The following RNF115 variants were observed in gnomAD, a reference collection of about 807,000 sequenced individuals.
RNF115 encodes the protein E3 ubiquitin-protein ligase RNF115.
In RNF115, 31 loss-of-function variants were observed where a neutral mutation model predicts 39.2. The observed-to-expected ratio is 0.79, with a 90% CI of 0.59 to 1.07. The LOEUF (loss-of-function observed/expected upper bound fraction) is 1.07, where lower values mean the gene tolerates loss of function less well. RNF115 is among the 50% of genes least tolerant of loss of function. The pLI is 0.00. For synonymous variants in RNF115, 124 were observed against 131.0 expected (o/e 0.95, Z 0.37); for missense variants, 384 against 381.7 (o/e 1.01, Z -0.05).
intron 4 of RNF115, among the ~76,000 whole-genome samples, chr1:145,765,867 C>G (rs782714728): frequency 9.2e-5 from 14 of 152,018 alleles, no homozygotes; most frequent in Non-Finnish European, 1.8e-4. Context: ...TTACTCATGC[C>G]AATGAAAAAG....
intron 1 of RNF115, among the ~76,000 whole-genome samples, chr1:145,791,477 A>G (rs1648663726): frequency 6.6e-6 from 1 of 151,068 alleles, no homozygotes; most frequent in Non-Finnish European, 1.5e-5. Flanking sequence ...ACGCCATTGC[A>G]CTCCAGCCTG....
intron 1 of RNF115, among the ~76,000 whole-genome samples, chr1:145,796,241 C>T (rs1553720000): frequency 6.6e-6 from 1 of 152,194 alleles, no homozygotes; most frequent in African/African-American, 2.4e-5. Flanking sequence ...CACCCCTTCA[C>T]TCTAAGAGCT....
In RNF115 at chr1:145,772,028, T is replaced by A. The variant is rs1647667801; in HGVS notation, c.220-109A>T. 3 of 859,778 alleles carry A rather than the reference T, an allele frequency of 3.5e-6. No homozygotes were observed. The East Asian group carries it at 7.6e-5, about 22-fold the overall frequency. 53.3% of individuals were successfully genotyped at this position (859,778 alleles called of 1,614,324 possible). Reference sequence around the variant, plus strand: ...TGGCCACTGTGAATATTACTGTATGTCTTCTTCTGCAGAGGTACCAGAGTT... The same window carrying A: ...TGGCCACTGTGAATATTACTGTATGACTTCTTCTGCAGAGGTACCAGAGTT... On this transcript the variant is annotated intron_variant, in intron 3 of 8. Transcript: ENST00000582693.
chr1:145,793,517 A>C (rs1215337827), intron 1 of RNF115, among the ~76,000 whole-genome samples: 1 of 151,848 alleles, frequency 6.6e-6, no homozygotes, highest in Admixed American at 6.6e-5. Context: ...TATTGCTTTA[A>C]ATCTCTCTAC....
At chr1:145,812,446 G>C (rs1365277745) in intron 1 of RNF115, among the ~76,000 whole-genome samples, 5 of 151,078 alleles carry the variant, frequency 3.3e-5, no homozygotes, top group Non-Finnish European at 7.4e-5. Flanking sequence ...TCACTTGCAA[G>C]GTCAGGAGTT....
chr1:145,750,347 G>A, intron 7 of RNF115, 60 bp downstream of exon 7: 1 of 1,328,666 alleles, frequency 7.5e-7, no homozygotes, highest in Non-Finnish European at 1.1e-6. Flanking sequence ...CCTGTCAGAA[G>A]ATACCGGGAT....
At chr1:145,811,883 C>CAAAAAAAAAA (rs67086842) in intron 1 of RNF115, among the ~76,000 whole-genome samples, 107 of 35,848 alleles carry the variant, frequency 3.0e-3, no homozygotes, top group Non-Finnish European at 5.3e-3. Flanking sequence ...TTCTGTCTCA[C>CAAAAAAAAAA]AAAAAAAAAA....
intron 1 of RNF115, among the ~76,000 whole-genome samples, chr1:145,812,268 A>C (rs1649762208): frequency 6.6e-6 from 1 of 150,480 alleles, no homozygotes; most frequent in Non-Finnish European, 1.5e-5. Flanking sequence ...AAGGAGGTAA[A>C]CATTACCTTG....
chr1:145,769,145 C>G (rs906094187), intron 4 of RNF115, among the ~76,000 whole-genome samples: 24 of 152,086 alleles, frequency 1.6e-4, no homozygotes, highest in Non-Finnish European at 2.4e-4. Context: ...AGTTAAAAAT[C>G]TCACCAAATA....
chr1:145,776,308 G>A (rs891915230), intron 3 of RNF115, among the ~76,000 whole-genome samples: 1 of 151,408 alleles, frequency 6.6e-6, no homozygotes, highest in African/African-American at 2.4e-5. Flanking sequence ...GGGATTACAG[G>A]TGTCTGCCAC....
At chr1:145,808,825 G>C (rs1265427689) in intron 1 of RNF115, among the ~76,000 whole-genome samples, 2 of 152,064 alleles carry the variant, frequency 1.3e-5, no homozygotes, top group African/African-American at 4.8e-5. Flanking sequence ...CTAATAACTG[G>C]CACCATAAAT....
chr1:145,771,625 G>T, intron 4 of RNF115, 86 bp downstream of exon 4: 1 of 1,071,686 alleles, frequency 9.3e-7, no homozygotes, highest in South Asian at 1.5e-5. Flanking sequence ...AAGGTAATAA[G>T]TATGAGACCC....
chr1:145,754,850 T>G (rs77865880), intron 4 of RNF115, among the ~76,000 whole-genome samples: 1 of 152,160 alleles, frequency 6.6e-6, no homozygotes, highest in Non-Finnish European at 1.5e-5. Context: ...CCAAAAATTA[T>G]TTGATAATCT....
intron 1 of RNF115, among the ~76,000 whole-genome samples, chr1:145,814,965 ATCAT>A (rs1649917784): frequency 6.6e-6 from 1 of 152,248 alleles, no homozygotes; most frequent in African/African-American, 2.4e-5. Context: ...ACTCATATCA[ATCAT>A]TCAATTAAAA....
At chr1:145,755,790 AG>A (rs1658272094) in intron 4 of RNF115, among the ~76,000 whole-genome samples, 1 of 152,128 alleles carries the variant, frequency 6.6e-6, no homozygotes, top group Non-Finnish European at 1.5e-5. Context: ...GATTAAGAAA[AG>A]GCAGAAAAAA....
chr1:145,784,971 A>G (rs1355896977), intron 2 of RNF115, among the ~76,000 whole-genome samples: 2 of 152,208 alleles, frequency 1.3e-5, no homozygotes, highest in Admixed American at 6.5e-5. Context: ...CCAGATGAAC[A>G]CAACATTTGA....
rs1553710797 is a variant in RNF115 at position 145,740,003 on chromosome 1, G to C, written c.*6863C>G. On this transcript the variant is annotated 3_prime_UTR_variant, in exon 9 of 9. Coordinates refer to ENST00000582693, the MANE Select transcript of RNF115 (RefSeq NM_014455.4). ...AATGAGAGTCTGGATTTGGGACCTA[G>C]AGCCATTTGAGTTCTGACTCCAAAG... 1 of 152,210 alleles carries C rather than the reference G, an allele frequency of 6.6e-6. No homozygotes were observed. The highest frequency in any genetic ancestry group is 1.5e-5 in the Non-Finnish European group (1 of 68,040). 9.4% of individuals were successfully genotyped at this position (152,210 alleles called of 1,614,324 possible).
chr1:145,787,046 G>T (rs1553718174), intron 2 of RNF115: 1 of 1,278,238 alleles, frequency 7.8e-7, no homozygotes, highest in Non-Finnish European at 1.0e-6. Context: ...TTGTGGAAGG[G>T]ACCTTCAACT....
At chr1:145,805,367 A>G (rs1263640294) in intron 1 of RNF115, among the ~76,000 whole-genome samples, 1 of 152,044 alleles carries the variant, frequency 6.6e-6, no homozygotes, top group Non-Finnish European at 1.5e-5. Context: ...GCAACCTCAA[A>G]GCAAACAAAG....
Sources: allele counts gnomAD v4.1 joint callset (sites outside exome capture counted in the v4.1 genomes callset), GRCh38; gene constraint gnomAD v4.1.1; transcripts MANE v1.5; gene names NCBI Gene and HGNC (gene_info 2026-07-23, HGNC 2026-07-21).